CSMD1: variants seen among roughly 807,000 people sequenced by gnomAD.
The protein encoded by CSMD1 is CUB and sushi domain-containing protein 1.
A neutral mutation model predicts 417.5 loss-of-function variants in CSMD1; 213 were observed. That is an observed-to-expected ratio of 0.51 (90% CI 0.46 to 0.57). The LOEUF is 0.57. Among genes scored for constraint, CSMD1 ranks in the 20% least tolerant of loss-of-function variants. The pLI is 0.00. For missense variants in CSMD1, 6,923 were observed against 4,529.7 expected (o/e 1.53, Z -15.17); for synonymous variants, 2,862 against 1,736.8 (o/e 1.65, Z -16.11).
chr8:4,035,592 T>G (rs1797575552), intron 3 of CSMD1, among the ~76,000 whole-genome samples: 1 of 152,192 alleles, frequency 6.6e-6, no homozygotes, highest in African/African-American at 2.4e-5. Flanking sequence ...GAGTCTTAAT[T>G]TTTAATGAAT....
At chr8:4,312,436 T>TACGTATATATATACGCGTAG (rs1563435289) in intron 3 of CSMD1, among the ~76,000 whole-genome samples, 1 of 116,912 alleles carries the variant, frequency 8.6e-6, no homozygotes, top group African/African-American at 5.1e-5. Context: ...TATATATATA[T>TACGTATATATATACGCGTAG]GCGTATATAT....
chr8:3,748,671 G>A (rs1563337216), intron 6 of CSMD1, among the ~76,000 whole-genome samples: 1 of 152,208 alleles, frequency 6.6e-6, no homozygotes. Context: ...GAGCATTGGA[G>A]AATGGGGAAT....
chr8:4,665,735 T>C (rs1804879946), intron 1 of CSMD1, among the ~76,000 whole-genome samples: 2 of 152,362 alleles, frequency 1.3e-5, no homozygotes, highest in Admixed American at 1.3e-4. Flanking sequence ...ATGGTATGAA[T>C]ATTAAACAAT....
In CSMD1 at chr8:3,971,983, T is replaced by C. The variant is rs536711704; in HGVS notation, c.818+25920A>G. 8.5e-5 allele frequency among the ~76,000 whole-genome samples: 13 copies of C among 152,196 alleles called. No homozygotes were observed. In the East Asian group the frequency reaches 2.1e-3, roughly 25 times the overall value. On this transcript the variant is annotated intron_variant, in intron 5 of 69. Transcript: ENST00000635120. ...AGTGCAGTGGGTGATCCTGGCTCAC[T>C]GCAGCCTTGACCTCCCAGGCTCAAG...
chr8:4,930,819 T>C (rs1449813154), intron 1 of CSMD1, among the ~76,000 whole-genome samples: 1 of 152,248 alleles, frequency 6.6e-6, no homozygotes, highest in Non-Finnish European at 1.5e-5. Context: ...ATTTATTTGA[T>C]GTGTGACCAT....
At chr8:3,189,082 T>A in intron 34 of CSMD1, 71 bp from the exon 35 acceptor site, 1 of 1,435,222 alleles carries the variant, frequency 7.0e-7, no homozygotes, top group Non-Finnish European at 9.4e-7. Context: ...GCAGTTTTCT[T>A]TCACTGTGTG....
intron 8 of CSMD1, among the ~76,000 whole-genome samples, chr8:3,605,140 G>A (rs764716873): frequency 4.6e-5 from 7 of 152,108 alleles, no homozygotes; most frequent in African/African-American, 1.2e-4. Flanking sequence ...GACTACAGGC[G>A]CATGCCATGT....
At chr8:3,085,743 C>A (rs1814484500) in intron 49 of CSMD1, among the ~76,000 whole-genome samples, 1 of 152,206 alleles carries the variant, frequency 6.6e-6, no homozygotes, top group East Asian at 1.9e-4. Flanking sequence ...TCCTTCTCAA[C>A]CATTCACTGA....
At chr8:3,973,251 G>C (rs1169958740) in intron 5 of CSMD1, among the ~76,000 whole-genome samples, 2 of 152,180 alleles carry the variant, frequency 1.3e-5, no homozygotes, top group South Asian at 2.1e-4. Context: ...GTGGGAGTGA[G>C]AGCTATGGCT....
At chr8:3,012,337 C>A (rs1421446401) in intron 52 of CSMD1, among the ~76,000 whole-genome samples, 1 of 152,132 alleles carries the variant, frequency 6.6e-6, no homozygotes, top group Non-Finnish European at 1.5e-5. Flanking sequence ...CTATAGTTGA[C>A]ATTCTCAAGA....
At chr8:3,183,810 A>G (rs1821585298) in intron 36 of CSMD1, among the ~76,000 whole-genome samples, 1 of 152,212 alleles carries the variant, frequency 6.6e-6, no homozygotes. Context: ...ACTGGCGTGC[A>G]TTCTAAATAT....
At chr8:4,037,088 C>T (rs562206466) in intron 3 of CSMD1, among the ~76,000 whole-genome samples, 1 of 152,072 alleles carries the variant, frequency 6.6e-6, no homozygotes, top group Non-Finnish European at 1.5e-5. Flanking sequence ...CAACCCAAAA[C>T]TGGAATAATT....
At chr8:4,399,328 A>G (rs1186513218) in intron 3 of CSMD1, among the ~76,000 whole-genome samples, 1 of 152,220 alleles carries the variant, frequency 6.6e-6, no homozygotes, top group African/African-American at 2.4e-5. Flanking sequence ...AACAATTTAA[A>G]CAATACACCA....
chr8:4,852,396 C>T (rs552739241), intron 1 of CSMD1, among the ~76,000 whole-genome samples: 3 of 152,194 alleles, frequency 2.0e-5, no homozygotes, highest in Admixed American at 1.3e-4. Flanking sequence ...CTCTCTCTCT[C>T]GTTCTCACTC....
rs552454816 is a variant in CSMD1 at position 3,472,095 on chromosome 8, G to A, written c.1449-3271C>T. ...CGTCCTCTCCCTTCGTGTAGCCCCT[G>A]GCTTGTTGTCATTGCTCCCTGTGGG... On this transcript the variant is annotated intron_variant, in intron 11 of 69. Coordinates refer to ENST00000635120, the MANE Select transcript of CSMD1 (RefSeq NM_033225.6). Among the ~76,000 whole-genome samples, 22 of 152,144 alleles carry A rather than the reference G, an allele frequency of 1.4e-4. No individual in the cohort carries two copies. The South Asian group carries it at 3.9e-3, about 27-fold the overall frequency.
chr8:4,415,760 T>G lies in CSMD1; in HGVS notation c.415+4193A>C, dbSNP rs187406341. Among the ~76,000 whole-genome samples, 656 of 152,328 alleles carry G rather than the reference T, an allele frequency of 4.3e-3. 4 individuals carry two copies. The highest frequency in any genetic ancestry group is 6.5e-3 in the Non-Finnish European group (441 of 68,022). On this transcript the variant is annotated intron_variant, in intron 3 of 69. Coordinates refer to ENST00000635120, the MANE Select transcript of CSMD1 (RefSeq NM_033225.6). The stretch of plus-strand genomic sequence containing the variant: ...GTGTATCCACTTACACTTGTGCACG[T>G]ATAAGTATGGATAGCAATGTGTATG...
chr8:3,106,024 A>T (rs1310083838), intron 46 of CSMD1, among the ~76,000 whole-genome samples: 3 of 152,214 alleles, frequency 2.0e-5, no homozygotes, highest in African/African-American at 7.2e-5. Flanking sequence ...CTAGGACTAG[A>T]TAAAAGAAAA....
intron 27 of CSMD1, among the ~76,000 whole-genome samples, chr8:3,226,131 A>C (rs1413879558): frequency 6.6e-6 from 1 of 152,250 alleles, no homozygotes; most frequent in Non-Finnish European, 1.5e-5. Context: ...TTCTAAATAG[A>C]CACCTTTATG....
At chr8:3,223,563 G>A (rs1798330550) in intron 28 of CSMD1, among the ~76,000 whole-genome samples, 166 bp downstream of exon 28, 1 of 152,130 alleles carries the variant, frequency 6.6e-6, no homozygotes, top group African/African-American at 2.4e-5. Context: ...GCAAAATACT[G>A]TATTTCCATT....
Sources: allele counts gnomAD v4.1 joint callset (sites outside exome capture counted in the v4.1 genomes callset), GRCh38; gene constraint gnomAD v4.1.1; transcripts MANE v1.5; gene names NCBI Gene and HGNC (gene_info 2026-07-23, HGNC 2026-07-21).